The following CCDC60 variants were observed in gnomAD, a reference collection of about 807,000 sequenced individuals.
CCDC60 encodes the protein coiled-coil domain-containing protein 60.
In CCDC60, 54 loss-of-function variants were observed where a neutral mutation model predicts 63.5. That is an observed-to-expected ratio of 0.85 (90% CI 0.68 to 1.07). The LOEUF (loss-of-function observed/expected upper bound fraction) is 1.07, where lower values mean the gene tolerates loss of function less well. CCDC60 is among the 50% of genes least tolerant of loss of function. The pLI is 0.00. For synonymous variants in CCDC60, 206 were observed against 238.8 expected (o/e 0.86, Z 1.27); for missense variants, 651 against 684.3 (o/e 0.95, Z 0.54).
rs1555244371 is a variant in CCDC60, at chr12:119,450,868, A to AGAG, written c.171-21126_171-21125insGAG. ...CAAGACTCCATCTCAAAAAAAAAAA[A>AGAG]AGAGAGAGAGAGAGAGAGATAAGAC... is the stretch of plus-strand genomic sequence containing the variant. On this transcript the variant is annotated intron_variant, in intron 2 of 13. Coordinates refer to ENST00000327554, the MANE Select transcript of CCDC60 (RefSeq NM_178499.5). Among the ~76,000 whole-genome samples, 7 of 141,698 alleles carry AGAG rather than the reference A, an allele frequency of 4.9e-5. No individual in the cohort carries two copies. The South Asian group carries it at 9.0e-4, about 18-fold the overall frequency. 93.0% of individuals were successfully genotyped at this position (141,698 alleles called of 152,430 possible).
chr12:119,455,755 G>GA (rs151277427), intron 2 of CCDC60, among the ~76,000 whole-genome samples: 66 of 138,312 alleles, frequency 4.8e-4, no homozygotes, highest in African/African-American at 1.6e-3. Context: ...AGGAAAGAAA[G>GA]AAAAGAAAAG....
Position 119,472,021 on chromosome 12 carries a change from C to A in CCDC60, c.198C>A (p.Gly66=). The A allele has an allele frequency of 6.2e-7, 1 of 1,613,918 alleles. No homozygotes were observed. The highest frequency in any genetic ancestry group is 8.5e-7 in the Non-Finnish European group (1 of 1,179,968). The part of the protein sequence containing the change: ...SRFLIQSVKI[G]RGYFAILREE... ...TTTTGATCCAGTCTGTGAAGATAGG[C>A]CGTGGATATTTTGCTATTCTGAGGG... The change falls in exon 3 of 14, where the codon GGC becomes GGA. Residue 66 remains glycine, a synonymous_variant. Coordinates refer to ENST00000327554, the MANE Select transcript of CCDC60 (RefSeq NM_178499.5).
Position 119,529,123 on chromosome 12 carries a change from G to A in CCDC60, c.1361+377G>A, listed in dbSNP as rs949666381. On this transcript the variant is annotated intron_variant, in intron 12 of 13. Coordinates refer to ENST00000327554, the MANE Select transcript of CCDC60 (RefSeq NM_178499.5). ...TGATCACTGCATCCCCCCAAGTAACGTAATCCCTAAAAAGTGCAAAACCAG... is the reference window on the plus strand; with the variant it reads ...TGATCACTGCATCCCCCCAAGTAACATAATCCCTAAAAAGTGCAAAACCAG... Among the ~76,000 whole-genome samples, 7 of 152,090 alleles carry A rather than the reference G, an allele frequency of 4.6e-5. No homozygotes were observed. The East Asian group carries it at 5.8e-4, about 13-fold the overall frequency.
intron 1 of CCDC60, among the ~76,000 whole-genome samples, chr12:119,383,101 T>C (rs774679195): frequency 1.7e-4 from 26 of 152,170 alleles, no homozygotes; most frequent in Non-Finnish European, 3.2e-4. Context: ...AGTGATTGGA[T>C]GAATAGAGAT....
At chr12:119,538,324 G>A (rs1015128930) in intron 13 of CCDC60, among the ~76,000 whole-genome samples, 2 of 152,178 alleles carry the variant, frequency 1.3e-5, no homozygotes, top group African/African-American at 4.8e-5. Context: ...AGTCTGTCCC[G>A]GCTTCCCTTG....
chr12:119,354,274 G>A (rs1955694370), intron 1 of CCDC60, among the ~76,000 whole-genome samples: 1 of 152,168 alleles, frequency 6.6e-6, no homozygotes, highest in Non-Finnish European at 1.5e-5. Context: ...GGACATCAAG[G>A]AAAGCAGACT....
At position 119,450,753 on chromosome 12, in the gene CCDC60, G is replaced by A. The variant is rs1386626212; in HGVS notation, c.171-21241G>A. ...CGTGCCTGTAGTCCCAGCTACTTGG[G>A]AGGCTGAAGCAGGAGAATCACTTGA... On this transcript the variant is annotated intron_variant, in intron 2 of 13. Transcript: ENST00000327554. Among the ~76,000 whole-genome samples the A allele has an allele frequency of 2.6e-5, 4 of 152,104 alleles. 1 individual carries two copies. Among genetic ancestry groups the A allele is most frequent in the African/African-American group, 4.8e-5 (2 of 41,420 alleles).
At chr12:119,351,231 T>C (rs557356294) in intron 1 of CCDC60, among the ~76,000 whole-genome samples, 3 of 152,364 alleles carry the variant, frequency 2.0e-5, no homozygotes, top group East Asian at 3.9e-4. Flanking sequence ...TCTCTAGTTT[T>C]GTATTCTCAA....
In CCDC60 at chr12:119,461,859, G is replaced by C. The variant is rs149729442; in HGVS notation, c.171-10135G>C. 4.5e-3 allele frequency among the ~76,000 whole-genome samples: 688 copies of C among 152,246 alleles called. 4 individuals are homozygous for C. The highest frequency in any genetic ancestry group is 8.5e-3 in the Non-Finnish European group (576 of 68,014). On this transcript the variant is annotated intron_variant, in intron 2 of 13. Transcript: ENST00000327554. ...GCAATAATGATGAAGAAAATGTAGG[G>C]AACACACGGAATTAAATGAGAATTT...
At chr12:119,484,012 G>A (rs142298390) in intron 4 of CCDC60, among the ~76,000 whole-genome samples, 188 of 151,588 alleles carry the variant, frequency 1.2e-3, no homozygotes, top group African/African-American at 4.4e-3. Flanking sequence ...TTTATAAACA[G>A]AGAAAAAGGA....
chr12:119,441,221 C>T (rs1165453540), intron 2 of CCDC60, among the ~76,000 whole-genome samples: 3 of 152,114 alleles, frequency 2.0e-5, no homozygotes, highest in Non-Finnish European at 4.4e-5. Flanking sequence ...TGTGCAAATG[C>T]AGCTGTTCAT....
intron 5 of CCDC60, among the ~76,000 whole-genome samples, chr12:119,497,601 T>G (rs1164294715): frequency 6.6e-6 from 1 of 152,206 alleles, no homozygotes; most frequent in Non-Finnish European, 1.5e-5. Context: ...GTTAAGATTT[T>G]GAAAGCTTTG....
chr12:119,455,992 AGAG>A (rs1950728402), intron 2 of CCDC60, among the ~76,000 whole-genome samples: 1 of 47,512 alleles, frequency 2.1e-5, no homozygotes, highest in African/African-American at 1.3e-4. Flanking sequence ...AGAGAAAGAG[AGAG>A]AGAAAGAGAA....
At chr12:119,522,178 A>C (rs943236294) in intron 9 of CCDC60, among the ~76,000 whole-genome samples, 1 of 152,190 alleles carries the variant, frequency 6.6e-6, no homozygotes, top group Non-Finnish European at 1.5e-5. Flanking sequence ...AAGCATTTGG[A>C]AGAAAGAAGG....
At chr12:119,414,523 T>G (rs1956665466) in intron 1 of CCDC60, among the ~76,000 whole-genome samples, 1 of 152,108 alleles carries the variant, frequency 6.6e-6, no homozygotes, top group African/African-American at 2.4e-5. Flanking sequence ...TCAAGTTTTT[T>G]GTCTTGTTTT....
intron 1 of CCDC60, among the ~76,000 whole-genome samples, chr12:119,359,091 C>T (rs1955746265): frequency 1.3e-5 from 2 of 152,316 alleles, no homozygotes; most frequent in South Asian, 4.1e-4. Context: ...GCTCCACATC[C>T]TCAACAATCT....
intron 11 of CCDC60, among the ~76,000 whole-genome samples, chr12:119,525,216 G>A (rs540717676): frequency 6.6e-6 from 1 of 152,192 alleles, no homozygotes; most frequent in South Asian, 2.1e-4. Context: ...TGAACAACTT[G>A]GAAAATATAT....
At chr12:119,490,039 G>T (rs999238218) in intron 5 of CCDC60, among the ~76,000 whole-genome samples, 6 of 151,986 alleles carry the variant, frequency 3.9e-5, no homozygotes, top group African/African-American at 1.4e-4. Context: ...CTCATGATCC[G>T]CCTGCCTCGG....
intron 4 of CCDC60, among the ~76,000 whole-genome samples, chr12:119,485,909 G>A (rs116227254): frequency 0.018 from 2,795 of 152,194 alleles, 80 homozygotes; most frequent in African/African-American, 0.06. Context: ...CACATGCCCC[G>A]CTTCCCCTCC....
Sources: allele counts gnomAD v4.1 joint callset (sites outside exome capture counted in the v4.1 genomes callset), GRCh38; gene constraint gnomAD v4.1.1; transcripts MANE v1.5; gene names NCBI Gene and HGNC (gene_info 2026-07-23, HGNC 2026-07-21).